PDZRN4: variants seen among roughly 807,000 people sequenced by gnomAD.
PDZRN4 encodes PDZ domain containing ring finger 4, also known as PDZ domain-containing RING finger protein 4.
PDZRN4 carries 70 observed loss-of-function variants against 99.0 expected under a neutral mutation model. The ratio of observed to expected loss-of-function variants is 0.71; its 90% CI spans 0.58 to 0.86. The LOEUF is 0.86. Among genes scored for constraint, PDZRN4 ranks in the 40% least tolerant of loss-of-function variants. The pLI is 0.00. For synonymous variants in PDZRN4, 551 were observed against 501.6 expected, an observed-to-expected ratio of 1.10 and a Z score of -1.32; for missense variants, 1,474 against 1,331.2, an observed-to-expected ratio of 1.11 and a Z score of -1.67.
chr12:41,446,426 G>A lies in PDZRN4; in HGVS notation c.844-60030G>A, dbSNP rs538037813. Among the ~76,000 whole-genome samples, 262 of 151,694 alleles carry A rather than the reference G, an allele frequency of 1.7e-3. 2 individuals are homozygous for A. The highest frequency in any genetic ancestry group is 6.0e-3 in the African/African-American group (249 of 41,394). On this transcript the variant is annotated intron_variant, in intron 3 of 9. Transcript: ENST00000402685. The stretch of plus-strand genomic sequence containing the variant: ...ACAAAGAGAATTTCCAAACTACTTA[G>A]TATGGTTTAAAAAATAATAAATCTG...
chr12:41,540,693 C>A (rs1048243774), intron 5 of PDZRN4, among the ~76,000 whole-genome samples: 3 of 152,018 alleles, frequency 2.0e-5, no homozygotes, highest in Non-Finnish European at 4.4e-5. Context: ...TTAACATGCC[C>A]CAGATTCTTT....
At chr12:41,539,115 C>A (rs143437218) in intron 5 of PDZRN4, among the ~76,000 whole-genome samples, 1 of 151,602 alleles carries the variant, frequency 6.6e-6, no homozygotes, top group African/African-American at 2.4e-5. Flanking sequence ...ATATATTATG[C>A]GTAAATATAA....
chr12:41,531,448 T>C (rs1047909364), intron 5 of PDZRN4, among the ~76,000 whole-genome samples: 1 of 152,204 alleles, frequency 6.6e-6, no homozygotes, highest in Admixed American at 6.5e-5. Flanking sequence ...GTGTTTGTTA[T>C]CTTCTTCCGC....
intron 3 of PDZRN4, among the ~76,000 whole-genome samples, chr12:41,372,295 G>A (rs528886938): frequency 6.2e-4 from 95 of 152,186 alleles, no homozygotes; most frequent in African/African-American, 2.1e-3. Context: ...ACTATTCAAT[G>A]TATTTCTACT....
intron 4 of PDZRN4, among the ~76,000 whole-genome samples, chr12:41,507,738 T>G (rs566912457): frequency 1.1e-4 from 17 of 152,264 alleles, no homozygotes; most frequent in African/African-American, 4.1e-4. Context: ...TTGAAAACAC[T>G]TCTTGAGACT....
intron 3 of PDZRN4, among the ~76,000 whole-genome samples, chr12:41,462,897 T>A (rs1022125489): frequency 1.1e-4 from 17 of 152,190 alleles, no homozygotes; most frequent in African/African-American, 3.9e-4. Flanking sequence ...GTAAAAGGAA[T>A]TGTGGTCTGT....
chr12:41,546,846 T>C (rs1938962167), intron 5 of PDZRN4, among the ~76,000 whole-genome samples: 1 of 152,186 alleles, frequency 6.6e-6, no homozygotes, highest in Admixed American at 6.5e-5. Context: ...CATTGCTATT[T>C]TTAAAATAAG....
chr12:41,213,712 G>GT (rs980887522), intron 3 of PDZRN4, among the ~76,000 whole-genome samples: 18 of 152,182 alleles, frequency 1.2e-4, no homozygotes, highest in Non-Finnish European at 2.2e-4. Flanking sequence ...AAGGGACTCA[G>GT]TTTTTTCAGC....
At chr12:41,199,490 A>G (rs1275731483) in intron 3 of PDZRN4, among the ~76,000 whole-genome samples, 1 of 152,186 alleles carries the variant, frequency 6.6e-6, no homozygotes, top group East Asian at 1.9e-4. Context: ...CATTTGATTT[A>G]GCAATCACAC....
chr12:41,539,118 AAATAT>A (rs983047043), intron 5 of PDZRN4, among the ~76,000 whole-genome samples: 8 of 151,898 alleles, frequency 5.3e-5, no homozygotes, highest in African/African-American at 1.9e-4. Context: ...TATTATGCGT[AAATAT>A]AATATATATA....
intron 3 of PDZRN4, among the ~76,000 whole-genome samples, chr12:41,497,692 G>C (rs552161749): frequency 2.1e-4 from 32 of 152,256 alleles, no homozygotes; most frequent in African/African-American, 7.5e-4. Flanking sequence ...TGGAGAGCAG[G>C]ATATCAGGTG....
intron 5 of PDZRN4, among the ~76,000 whole-genome samples, chr12:41,510,730 C>G (rs1175402717): frequency 6.6e-6 from 1 of 152,098 alleles, no homozygotes; most frequent in Non-Finnish European, 1.5e-5. Context: ...ACTTTACAAC[C>G]AGGAAATCCT....
At chr12:41,525,656 G>GT (rs1198309479) in intron 5 of PDZRN4, among the ~76,000 whole-genome samples, 3 of 151,978 alleles carry the variant, frequency 2.0e-5, no homozygotes, top group African/African-American at 7.2e-5. Context: ...TTTAACCATT[G>GT]TAAGTCTCAA....
At chr12:41,476,602 C>A (rs1234715719) in intron 3 of PDZRN4, among the ~76,000 whole-genome samples, 1 of 152,184 alleles carries the variant, frequency 6.6e-6, no homozygotes, top group African/African-American at 2.4e-5. Context: ...CACCTGAAAC[C>A]TTTGGTCTAC....
chr12:41,238,189 C>T (rs1320487186), intron 3 of PDZRN4, among the ~76,000 whole-genome samples: 1 of 152,018 alleles, frequency 6.6e-6, no homozygotes, highest in Non-Finnish European at 1.5e-5. Context: ...CCTTCACTTT[C>T]CTTGTCAGCT....
In PDZRN4 at chr12:41,485,773, A is replaced by C. The variant is rs79152064; in HGVS notation, c.844-20683A>C. Among the ~76,000 whole-genome samples the C allele has an allele frequency of 1.1e-4, 16 of 152,236 alleles. No homozygotes were observed. The East Asian group carries it at 2.9e-3, about 28-fold the overall frequency. The stretch of plus-strand genomic sequence containing the variant: ...ATCCAGAAATCATTTATTGGTCCTT[A>C]ATTTACTATTTGTGTTTGTTTTGAA... On this transcript the variant is annotated intron_variant, in intron 3 of 9. Transcript: ENST00000402685.
At chr12:41,278,652 T>A (rs1322929635) in intron 3 of PDZRN4, among the ~76,000 whole-genome samples, 1 of 152,204 alleles carries the variant, frequency 6.6e-6, no homozygotes. Context: ...CAAAATTCCC[T>A]ACCTCATTCA....
chr12:41,211,106 G>A (rs554009240), intron 3 of PDZRN4, among the ~76,000 whole-genome samples: 92 of 152,034 alleles, frequency 6.1e-4, no homozygotes, highest in African/African-American at 2.0e-3. Context: ...AGGAAAATCC[G>A]AAGTTGAAGA....
chr12:41,563,359 C>T (rs1464812983), intron 7 of PDZRN4, among the ~76,000 whole-genome samples, 189 bp from the exon 8 acceptor site: 3 of 152,120 alleles, frequency 2.0e-5, no homozygotes, highest in Non-Finnish European at 4.4e-5. Flanking sequence ...CCATCCTTCA[C>T]GGATCGATAT....
Sources: allele counts gnomAD v4.1 joint callset (sites outside exome capture counted in the v4.1 genomes callset), GRCh38; gene constraint gnomAD v4.1.1; transcripts MANE v1.5; gene names NCBI Gene and HGNC (gene_info 2026-07-23, HGNC 2026-07-21).